Variants in MYF6 observed in about 807,000 individuals in gnomAD.
MYF6 encodes myogenic factor 6.
A neutral mutation model predicts 21.7 loss-of-function variants in MYF6; 20 were observed. The observed-to-expected ratio is 0.92, with a 90% CI of 0.65 to 1.34. The LOEUF is 1.34. Among genes scored for constraint, MYF6 ranks in the 40% most tolerant of loss-of-function variants. The pLI is 0.00. For missense variants in MYF6, 320 were observed against 304.1 expected, an observed-to-expected ratio of 1.05 and a Z score of -0.39; for synonymous variants, 124 against 124.7, an observed-to-expected ratio of 0.99 and a Z score of 0.04.
At chr12:80,708,469 A>T in intron 1 of MYF6, 55 bp from the exon 2 acceptor site, 1 of 1,416,842 alleles carries the variant, frequency 7.1e-7, no homozygotes, top group Non-Finnish European at 1.0e-6. Context: ...CCCCACCCCA[A>T]CCCCGGAACC....
chr12:80,709,158 C>G lies in MYF6; in HGVS notation c.*198C>G. ...TGTTGTGCATGCTCAAATGAAAACG[C>G]CTTTCGGCTTTGGGCTTTTATTTTT... is the stretch of plus-strand genomic sequence containing the variant. On this transcript the variant is annotated 3_prime_UTR_variant, in exon 3 of 3. Coordinates refer to ENST00000228641, the MANE Select transcript of MYF6 (RefSeq NM_002469.3). 1.7e-6 allele frequency: 1 copy of G among 575,562 alleles called. No homozygotes were observed. Among genetic ancestry groups the G allele is most frequent in the Middle Eastern group, 4.7e-4 (1 of 2,150 alleles). 35.7% of individuals were successfully genotyped at this position (575,562 alleles called of 1,614,324 possible).
In MYF6 at chr12:80,708,224, C is replaced by A. The variant is rs1868400873; in HGVS notation, c.505C>A (p.Pro169Thr). The change falls in exon 1 of 3, where the codon CCC (proline) becomes ACC (threonine). Residue 169 changes from proline to threonine, a missense_variant. Pro to Thr is a conservative substitution (Grantham distance 38). Coordinates refer to ENST00000228641, the MANE Select transcript of MYF6 (RefSeq NM_002469.3). The stretch of plus-strand genomic sequence containing the variant: ...GGGGGTGGACCCCTTCAGCTACAGA[C>A]CCAAACAAGAAAATGTAAGCCTAGA... Reference protein sequence around the residue: ...ELGVDPFSYRPKQENLEGADF... With the variant: ...ELGVDPFSYRTKQENLEGADF... 6.2e-7 allele frequency: 1 copy of A among 1,611,382 alleles called. No individual in the cohort carries two copies. The highest frequency in any genetic ancestry group is 1.1e-5 in the South Asian group (1 of 90,980).
rs1018032749 is a variant in MYF6 at position 80,708,969 on chromosome 12, G to A, written c.*9G>A. 3.8e-6 allele frequency: 6 copies of A among 1,595,918 alleles called. No homozygotes were observed. The African/African-American group carries it at 4.0e-5, about 11-fold the overall frequency. On this transcript the variant is annotated 3_prime_UTR_variant, in exon 3 of 3. Coordinates refer to ENST00000228641, the MANE Select transcript of MYF6 (RefSeq NM_002469.3). ...AAGTGGTGGAGAAGTAACTGAGCCT[G>A]CGCTTGAGACCTTCTCCACGCAGCA... is the stretch of plus-strand genomic sequence containing the variant.
rs944878084 is a variant in MYF6, at chr12:80,709,427, G to A, written c.*467G>A. The A allele has an allele frequency of 6.4e-6, 1 of 156,918 alleles. No individual in the cohort carries two copies. The highest frequency in any genetic ancestry group is 2.4e-5 in the African/African-American group (1 of 41,430). 9.7% of individuals were successfully genotyped at this position (156,918 alleles called of 1,614,324 possible). ...AAATGTGGAATGATGTATATAAAAT[G>A]TGCGAGGATCCTGGTATTGTAATAT... On this transcript the variant is annotated 3_prime_UTR_variant, in exon 3 of 3. Transcript: ENST00000228641.
chr12:80,708,985 C>T lies in MYF6; in HGVS notation c.*25C>T. 6.5e-7 allele frequency: 1 copy of T among 1,547,560 alleles called. No individual in the cohort carries two copies. Among genetic ancestry groups the T allele is most frequent in the Non-Finnish European group, 8.9e-7 (1 of 1,119,498 alleles). The stretch of plus-strand genomic sequence containing the variant: ...ACTGAGCCTGCGCTTGAGACCTTCT[C>T]CACGCAGCAGGAAGATCCCACCGAC... On this transcript the variant is annotated 3_prime_UTR_variant, in exon 3 of 3. Transcript: ENST00000228641.
chr12:80,707,822 C>T lies in MYF6; in HGVS notation c.103C>T (p.Pro35Ser). The stretch of plus-strand genomic sequence containing the variant: ...AGTGGCAGAAGGCTCTCCTTTGTAT[C>T]CAGGGAGTGATGGTACCTTGTCCCC... ...LEVAEGSPLY[P>S]GSDGTLSPCQ... The change falls in exon 1 of 3, where the codon CCA (proline) becomes TCA (serine). Residue 35 changes from proline (P) to serine (S), a missense_variant. Pro to Ser is a moderately conservative substitution (Grantham distance 74). Coordinates refer to ENST00000228641, the MANE Select transcript of MYF6 (RefSeq NM_002469.3). 5.6e-6 allele frequency: 9 copies of T among 1,614,134 alleles called. No individual in the cohort carries two copies. The highest frequency in any genetic ancestry group is 6.8e-6 in the Non-Finnish European group (8 of 1,180,024).
rs761160258 is a variant in MYF6, at chr12:80,708,060, A to G, written c.341A>G (p.Glu114Gly). The change falls in exon 1 of 3, where the codon GAG becomes GGG. Residue 114 changes from glutamate (E) to glycine (G), a missense_variant. By Grantham distance (98) the Glu-to-Gly change is moderately conservative. Transcript: ENST00000228641. ...CTAAAGAAAATCAACGAGGCCTTCG[A>G]GGCACTGAAGCGGCGAACTGTGGCC... Reference protein sequence around the residue: ...RRLKKINEAFEALKRRTVANP... With the variant: ...RRLKKINEAFGALKRRTVANP... 6.2e-7 allele frequency: 1 copy of G among 1,614,180 alleles called. No homozygotes were observed. Among genetic ancestry groups the G allele is most frequent in the Non-Finnish European group, 8.5e-7 (1 of 1,180,040 alleles).
In MYF6 at chr12:80,707,946, A is replaced by G. The variant is rs1479837270; in HGVS notation, c.227A>G (p.Gln76Arg). 6.2e-7 allele frequency: 1 copy of G among 1,614,024 alleles called. No homozygotes were observed. The highest frequency in any genetic ancestry group is 8.5e-7 in the Non-Finnish European group (1 of 1,180,030). ...CTGCAGCCTCCACACTGCCCCGGCC[A>G]GTGTCTGATCTGGGCTTGCAAGACC... Reference protein sequence around the residue: ...PGLQPPHCPGQCLIWACKTCK... With the variant: ...PGLQPPHCPGRCLIWACKTCK... The change falls in exon 1 of 3, where the codon CAG (glutamine) becomes CGG (arginine). Residue 76 changes from glutamine to arginine, a missense_variant. Coordinates refer to ENST00000228641, the MANE Select transcript of MYF6 (RefSeq NM_002469.3).
Position 80,708,622 on chromosome 12 carries a change from A to G in MYF6, c.610+8A>G. On this transcript the variant is annotated splice_region_variant and intron_variant, in intron 2 of 2. Transcript: ENST00000228641. Reference sequence around the variant, plus strand: ...TGATAACGGCTAAGGAAGGTAAAGTAAAAGGGCTCTGGGCCGCACCAGAGA... The same window carrying G: ...TGATAACGGCTAAGGAAGGTAAAGTGAAAGGGCTCTGGGCCGCACCAGAGA... The G allele has an allele frequency of 3.1e-6, 5 of 1,613,308 alleles. No individual in the cohort carries two copies. Among genetic ancestry groups the G allele is most frequent in the Non-Finnish European group, 4.2e-6 (5 of 1,179,232 alleles).
rs749523828 is a variant in MYF6 at position 80,707,765 on chromosome 12, G to A, written c.46G>A (p.Asp16Asn). ...FETGSYFFYL[D>N]GENVTLQPLE... The stretch of plus-strand genomic sequence containing the variant: ...AACTGGCTCCTATTTCTTCTACTTG[G>A]ATGGGGAAAATGTTACTCTGCAGCC... Residue 16 changes from aspartate (D) to asparagine (N), a missense_variant, in exon 1 of 3, where the codon GAT becomes AAT. Asp to Asn is a conservative substitution (Grantham distance 23). Transcript: ENST00000228641. The A allele has an allele frequency of 3.7e-6, 6 of 1,614,022 alleles. No individual in the cohort carries two copies. Among genetic ancestry groups the A allele is most frequent in the Non-Finnish European group, 5.1e-6 (6 of 1,180,016 alleles).
chr12:80,708,039 A>C lies in MYF6; in HGVS notation c.320A>C (p.Lys107Thr), dbSNP rs1868393727. 5 of 1,614,074 alleles carry C rather than the reference A, an allele frequency of 3.1e-6. No homozygotes were observed. Among genetic ancestry groups the C allele is most frequent in the African/African-American group, 1.3e-5 (1 of 74,946 alleles). The change falls in exon 1 of 3, where the codon AAG (lysine) becomes ACG (threonine). Residue 107 changes from lysine to threonine, a missense_variant. By Grantham distance (78) the Lys-to-Thr change is moderately conservative. Transcript: ENST00000228641. ...ACCCTGCGCGAAAGGAGGAGGCTAA[A>C]GAAAATCAACGAGGCCTTCGAGGCA... ...AATLRERRRLKKINEAFEALK... is the reference protein window; with the variant it reads ...AATLRERRRLTKINEAFEALK...
chr12:80,708,242 A>C lies in MYF6; in HGVS notation c.519+4A>C, dbSNP rs754288271. On this transcript the variant is annotated splice_donor_region_variant and intron_variant, in intron 1 of 2. Transcript: ENST00000228641. The stretch of plus-strand genomic sequence containing the variant: ...CTACAGACCCAAACAAGAAAATGTA[A>C]GCCTAGATGCTGCCGGGGCAGGGAA... 34 of 1,608,208 alleles carry C rather than the reference A, an allele frequency of 2.1e-5. No homozygotes were observed. The highest frequency in any genetic ancestry group is 2.7e-5 in the Non-Finnish European group (32 of 1,178,752).
chr12:80,708,568 A>C lies in MYF6; in HGVS notation c.564A>C (p.Pro188=). The change falls in exon 2 of 3, where the codon CCA becomes CCC. Residue 188 remains proline, a synonymous_variant. Coordinates refer to ENST00000228641, the MANE Select transcript of MYF6 (RefSeq NM_002469.3). ...DFLRTCSSQW[P]SVSDHSRGLV... is the part of the protein sequence containing the mutation. ...TGCGCACCTGCAGCTCCCAGTGGCC[A>C]AGTGTTTCCGATCATTCCAGGGGGC... The C allele has an allele frequency of 6.2e-7, 1 of 1,607,858 alleles. No homozygotes were observed. The highest frequency in any genetic ancestry group is 8.5e-7 in the Non-Finnish European group (1 of 1,176,616).
chr12:80,709,230 G>C lies in MYF6; in HGVS notation c.*270G>C. 1 of 446,134 alleles carries C rather than the reference G, an allele frequency of 2.2e-6. No homozygotes were observed. The highest frequency in any genetic ancestry group is 4.5e-5 in the East Asian group (1 of 22,216). 27.6% of individuals were successfully genotyped at this position (446,134 alleles called of 1,614,324 possible). On this transcript the variant is annotated 3_prime_UTR_variant, in exon 3 of 3. Coordinates refer to ENST00000228641, the MANE Select transcript of MYF6 (RefSeq NM_002469.3). Reference sequence around the variant, plus strand: ...GTCTAGCCTCATTTTGTTTTTGTTTGGTTGGTTTTATACTATATTAACTTT... The same window carrying C: ...GTCTAGCCTCATTTTGTTTTTGTTTCGTTGGTTTTATACTATATTAACTTT...
chr12:80,708,297 G>C (rs1409335689), intron 1 of MYF6, 59 bp downstream of exon 1: 10 of 1,574,900 alleles, frequency 6.3e-6, no homozygotes, highest in Non-Finnish European at 8.6e-6. Context: ...GCCTTCCGCG[G>C]GGCCTTAACC....
chr12:80,707,769 G>A lies in MYF6; in HGVS notation c.50G>A (p.Gly17Glu), dbSNP rs886049855. The A allele has an allele frequency of 3.1e-6, 5 of 1,614,016 alleles. No individual in the cohort carries two copies. The highest frequency in any genetic ancestry group is 1.3e-5 in the African/African-American group (1 of 74,910). The part of the protein sequence containing the change: ...ETGSYFFYLD[G>E]ENVTLQPLEV... ...GGCTCCTATTTCTTCTACTTGGATG[G>A]GGAAAATGTTACTCTGCAGCCATTA... Residue 17 changes from glycine (G) to glutamate (E), a missense_variant, in exon 1 of 3, where the codon GGG becomes GAG. By Grantham distance (98) the Gly-to-Glu change is moderately conservative. Transcript: ENST00000228641.
chr12:80,708,951 G>A lies in MYF6; in HGVS notation c.720G>A (p.Val240=), dbSNP rs1592802527. The A allele has an allele frequency of 3.1e-6, 5 of 1,612,878 alleles. No individual in the cohort carries two copies. The highest frequency in any genetic ancestry group is 3.4e-6 in the Non-Finnish European group (4 of 1,178,858). ...AACTCCCCTGCGTGGAGGAAGTGGTGGAGAAGTAACTGAGCCTGCGCTTGA... is the reference window on the plus strand; with the variant it reads ...AACTCCCCTGCGTGGAGGAAGTGGTAGAGAAGTAACTGAGCCTGCGCTTGA... ...ERKLPCVEEV[V]EK Residue 240 remains valine (V), a synonymous_variant, in exon 3 of 3, where the codon GTG becomes GTA. Coordinates refer to ENST00000228641, the MANE Select transcript of MYF6 (RefSeq NM_002469.3).
intron 1 of MYF6, 86 bp downstream of exon 1, chr12:80,708,324 T>G (rs1868404117): frequency 7.2e-6 from 11 of 1,535,970 alleles, no homozygotes; most frequent in Non-Finnish European, 9.6e-6. Flanking sequence ...TGCTTGGTCT[T>G]TTTTCCCTTC....
intron 1 of MYF6, 34 bp downstream of exon 1, chr12:80,708,272 G>C: frequency 6.3e-7 from 1 of 1,595,602 alleles, no homozygotes; most frequent in Non-Finnish European, 8.5e-7. Flanking sequence ...AGGGAAATGC[G>C]AAGGCTGATT....
Sources: gnomAD v4.1 joint callset for allele counts on GRCh38, gnomAD v4.1.1 for gene constraint, MANE v1.5 for transcripts, NCBI Gene and HGNC (gene_info 2026-07-23, HGNC 2026-07-21) for gene names.